RAD52: variants seen among roughly 807,000 people sequenced by gnomAD.
RAD52 encodes the protein RAD52 DNA repair protein.
In RAD52, 47 loss-of-function variants were observed where a neutral mutation model predicts 55.5. That is an observed-to-expected ratio of 0.85 (90% CI 0.67 to 1.08). The LOEUF (loss-of-function observed/expected upper bound fraction) is 1.08. RAD52 is among the 50% of genes least tolerant of loss of function. The probability of loss-of-function intolerance (pLI) is 0.00; values close to 1 mark genes in which losing one functional copy is unlikely to be tolerated. For synonymous variants in RAD52, 184 were observed against 198.9 expected (o/e 0.92, Z 0.63); for missense variants, 468 against 522.8 (o/e 0.90, Z 1.02).
intron 1 of RAD52, among the ~76,000 whole-genome samples, chr12:965,147 T>C (rs897461732): frequency 6.6e-5 from 10 of 151,806 alleles, no homozygotes; most frequent in Admixed American, 2.0e-4. Context: ...GCCCGGCTAA[T>C]TTTTGTATTT....
chr12:928,017 A>G (rs868244338), intron 5 of RAD52, among the ~76,000 whole-genome samples: 17 of 152,314 alleles, frequency 1.1e-4, no homozygotes, highest in Middle Eastern at 6.8e-3. Flanking sequence ...TGAGCACATC[A>G]TTCGCTGATT....
rs185725104 is a variant in RAD52 at position 929,668 on chromosome 12, A to C, written c.348+151T>G. On this transcript the variant is annotated intron_variant, in intron 5 of 11. Transcript: ENST00000358495. ...CATTCTTTTAGGGAGCACATGAGCA[A>C]GAGTATTTGAATTCCACCACTCTAG... 88 of 817,434 alleles carry C rather than the reference A, an allele frequency of 1.1e-4. No individual in the cohort carries two copies. In the East Asian group the frequency reaches 2.1e-3, roughly 19 times the overall value. The allele number at this position is 817,434 out of a possible 1,614,324, so 50.6% of individuals were successfully genotyped here.
rs1956177325 is a variant in RAD52, at chr12:912,969, C to G, written c.*422G>C. On this transcript the variant is annotated 3_prime_UTR_variant, in exon 12 of 12. Coordinates refer to ENST00000358495, the MANE Select transcript of RAD52 (RefSeq NM_134424.4). Reference sequence around the variant, plus strand: ...TGTGGGCAACATTAAAGGCATGGACCGTAAAGGAAAGAAGGCAGACGTTAT... The same window carrying G: ...TGTGGGCAACATTAAAGGCATGGACGGTAAAGGAAAGAAGGCAGACGTTAT... 1 of 202,572 alleles carries G rather than the reference C, an allele frequency of 4.9e-6. No homozygotes were observed. The highest frequency in any genetic ancestry group is 9.8e-6 in the Non-Finnish European group (1 of 102,086). 12.5% of individuals were successfully genotyped at this position (202,572 alleles called of 1,614,324 possible).
Position 927,277 on chromosome 12 carries a change from A to G in RAD52, c.349-14T>C, listed in dbSNP as rs1162141766. ...ATATGAACCATCCTGGGGGCAGAAA[A>G]GGAGTTTGAACTCAAACACGAGAGC... On this transcript the variant is annotated splice_polypyrimidine_tract_variant and intron_variant, in intron 5 of 11. Coordinates refer to ENST00000358495, the MANE Select transcript of RAD52 (RefSeq NM_134424.4). 2 of 1,594,750 alleles carry G rather than the reference A, an allele frequency of 1.3e-6. No homozygotes were observed. Among genetic ancestry groups the G allele is most frequent in the Non-Finnish European group, 8.6e-7 (1 of 1,162,482 alleles).
At position 911,921 on chromosome 12, in the gene RAD52, C is replaced by T. The variant is rs1009077211; in HGVS notation, c.*1470G>A. 1.3e-5 allele frequency among the ~76,000 whole-genome samples: 2 copies of T among 151,918 alleles called. No individual in the cohort carries two copies. Among genetic ancestry groups the T allele is most frequent in the Admixed American group, 6.6e-5 (1 of 15,240 alleles). On this transcript the variant is annotated 3_prime_UTR_variant, in exon 12 of 12. Coordinates refer to ENST00000358495, the MANE Select transcript of RAD52 (RefSeq NM_134424.4). ...GTCTGTAATCCCAGCTACTCGGGAGCCTGAGGCAGGAGAATTGCTTGAATC... is the reference window on the plus strand; with the variant it reads ...GTCTGTAATCCCAGCTACTCGGGAGTCTGAGGCAGGAGAATTGCTTGAATC...
intron 5 of RAD52, among the ~76,000 whole-genome samples, chr12:929,035 T>G (rs1368043303): frequency 6.6e-6 from 1 of 152,120 alleles, no homozygotes; most frequent in Non-Finnish European, 1.5e-5. Context: ...CAGCTAATTT[T>G]TTGTATTTTT....
intron 1 of RAD52, among the ~76,000 whole-genome samples, chr12:955,688 G>C (rs527502674): frequency 6.6e-6 from 1 of 152,186 alleles, no homozygotes; most frequent in South Asian, 2.1e-4. Context: ...TGGCCAGGCT[G>C]GTCTCGAGCT....
intron 5 of RAD52, among the ~76,000 whole-genome samples, 189 bp from the exon 6 acceptor site, chr12:927,452 T>C (rs1230176717): frequency 6.6e-6 from 1 of 152,112 alleles, no homozygotes; most frequent in Non-Finnish European, 1.5e-5. Flanking sequence ...TGCCTGGACA[T>C]GTGCCTGCGG....
At chr12:974,429 T>A in intron 1 of RAD52, 1 of 152,282 alleles carries the variant, frequency 6.6e-6, no homozygotes. Flanking sequence ...GTTCCCAGCT[T>A]TCTGCCTTGA....
At chr12:960,658 G>A (rs1045359303) in intron 1 of RAD52, among the ~76,000 whole-genome samples, 2 of 152,114 alleles carry the variant, frequency 1.3e-5, no homozygotes, top group Admixed American at 6.5e-5. Flanking sequence ...TAAAGACAGG[G>A]TCTTGCTATG....
intron 1 of RAD52, among the ~76,000 whole-genome samples, chr12:961,272 T>G (rs1025994203): frequency 1.3e-4 from 16 of 124,518 alleles, no homozygotes; most frequent in African/African-American, 1.8e-4. Context: ...ATAGTGCCAT[T>G]GCACTCCAGC....
Position 913,458 on chromosome 12 carries a change from GA to G in RAD52, c.1196-7del. 6.3e-7 allele frequency: 1 copy of G among 1,591,618 alleles called. No homozygotes were observed. Among genetic ancestry groups the G allele is most frequent in the Non-Finnish European group, 8.6e-7 (1 of 1,161,514 alleles). ...CCTATGAGATTCCCAGTTTCCTATG[GA>G]AGACAAAATGGCTTAAATGTAGCTG... On this transcript the variant is annotated splice_polypyrimidine_tract_variant and splice_region_variant and intron_variant, in intron 11 of 11. Coordinates refer to ENST00000358495, the MANE Select transcript of RAD52 (RefSeq NM_134424.4).
intron 1 of RAD52, among the ~76,000 whole-genome samples, chr12:980,303 T>C (rs1217539677): frequency 1.3e-5 from 2 of 151,688 alleles, no homozygotes; most frequent in Non-Finnish European, 3.0e-5. Context: ...TCCTTTTTTT[T>C]TTTTTTTGAG....
chr12:988,610 T>C (rs922654385), intron 1 of RAD52, among the ~76,000 whole-genome samples: 8 of 152,210 alleles, frequency 5.3e-5, no homozygotes, highest in Non-Finnish European at 1.2e-4. Context: ...ATCTGCTCAG[T>C]TCTGGTGAGG....
intron 3 of RAD52, 83 bp downstream of exon 3, chr12:931,134 TCCC>T: frequency 9.1e-7 from 1 of 1,103,330 alleles, no homozygotes; most frequent in Non-Finnish European, 1.3e-6. Context: ...GACTTCCGAA[TCCC>T]TGAGGACCCA....
chr12:932,139 C>T (rs1041260876), intron 2 of RAD52, among the ~76,000 whole-genome samples: 2 of 151,850 alleles, frequency 1.3e-5, no homozygotes, highest in South Asian at 2.1e-4. Context: ...AGGCAGATCA[C>T]GAGGTCAGGA....
intron 1 of RAD52, among the ~76,000 whole-genome samples, chr12:969,963 G>GT (rs1369680556): frequency 6.6e-6 from 1 of 151,564 alleles, no homozygotes; most frequent in African/African-American, 2.4e-5. Flanking sequence ...CAGACTTTGC[G>GT]TCAGTGTGAA....
chr12:956,392 T>C (rs1251180600), intron 1 of RAD52, among the ~76,000 whole-genome samples: 2 of 152,194 alleles, frequency 1.3e-5, no homozygotes, highest in East Asian at 1.9e-4. Flanking sequence ...TTTTATTATT[T>C]TGCATTGGGC....
chr12:982,539 A>C (rs1372002919), intron 1 of RAD52, among the ~76,000 whole-genome samples: 1 of 152,168 alleles, frequency 6.6e-6, no homozygotes, highest in Non-Finnish European at 1.5e-5. Context: ...TCTTTGTGGA[A>C]GAAAGGATGG....
Sources: allele counts gnomAD v4.1 joint callset (sites outside exome capture counted in the v4.1 genomes callset), GRCh38; gene constraint gnomAD v4.1.1; transcripts MANE v1.5; gene names NCBI Gene and HGNC (gene_info 2026-07-23, HGNC 2026-07-21).